The following ADGRB3 variants were observed in gnomAD, a reference collection of about 807,000 sequenced individuals.
ADGRB3 encodes brain-specific angiogenesis inhibitor 3.
Under a neutral mutation model 193.4 loss-of-function variants are expected in ADGRB3, and 37 were observed. That is an observed-to-expected ratio of 0.19 (90% CI 0.15 to 0.25). The LOEUF is 0.25. ADGRB3 is among the 10% of genes least tolerant of loss of function. ADGRB3 has a pLI of 1.00. For missense variants in ADGRB3, 1,637 were observed against 1,852.9 expected, an observed-to-expected ratio of 0.88 and a Z score of 2.14; for synonymous variants, 690 against 644.2, an observed-to-expected ratio of 1.07 and a Z score of -1.08.
At chr6:68,862,697 T>C (rs893334067) in intron 3 of ADGRB3, among the ~76,000 whole-genome samples, 1 of 152,202 alleles carries the variant, frequency 6.6e-6, no homozygotes, top group Non-Finnish European at 1.5e-5. Context: ...AGGTCTGATA[T>C]ATATGAGAGA....
At chr6:69,288,767 G>A (rs1767605101) in intron 20 of ADGRB3, among the ~76,000 whole-genome samples, 2 of 152,042 alleles carry the variant, frequency 1.3e-5, no homozygotes. Context: ...TTTTCCCTCA[G>A]GTCTTCTAGA....
chr6:68,761,738 G>A (rs577907425), intron 3 of ADGRB3, among the ~76,000 whole-genome samples: 44 of 145,364 alleles, frequency 3.0e-4, no homozygotes, highest in African/African-American at 1.2e-3. Context: ...CAAGTCTAAG[G>A]TTTTTAAACA....
intron 11 of ADGRB3, among the ~76,000 whole-genome samples, chr6:69,003,719 G>T (rs993269927): frequency 1.3e-5 from 2 of 151,996 alleles, no homozygotes; most frequent in African/African-American, 4.8e-5. Flanking sequence ...AAATTTAATG[G>T]CAAATAACTT....
chr6:68,681,588 C>T (rs1409727330), intron 3 of ADGRB3, among the ~76,000 whole-genome samples: 2 of 152,076 alleles, frequency 1.3e-5, no homozygotes, highest in Non-Finnish European at 2.9e-5. Flanking sequence ...CTCCATTGTG[C>T]CACTTTTAAC....
Position 69,374,276 on chromosome 6 carries a change from T to A in ADGRB3, c.4275+1835T>A, listed in dbSNP as rs144434658. ...CGTGGATTGAGTTTAGAAAACTTAT[T>A]GCCAAGTATAAATGCGAATGAATTG... is the stretch of plus-strand genomic sequence containing the variant. On this transcript the variant is annotated intron_variant, in intron 30 of 31. Transcript: ENST00000370598. Among the ~76,000 whole-genome samples the A allele has an allele frequency of 6.4e-4, 98 of 152,238 alleles. 1 individual carries two copies. The East Asian group carries it at 6.8e-3, about 11-fold the overall frequency.
intron 13 of ADGRB3, among the ~76,000 whole-genome samples, chr6:69,031,456 A>AT (rs66475052): frequency 6.7e-6 from 1 of 149,788 alleles, no homozygotes; most frequent in Non-Finnish European, 1.5e-5. Context: ...AAAAAAAAAA[A>AT]TTCTAGAGTT....
At chr6:69,201,926 T>C (rs1459827418) in intron 17 of ADGRB3, among the ~76,000 whole-genome samples, 2 of 152,160 alleles carry the variant, frequency 1.3e-5, no homozygotes, top group Admixed American at 6.6e-5. Context: ...TCCAGAAATA[T>C]GGCATCACCA....
intron 16 of ADGRB3, among the ~76,000 whole-genome samples, chr6:69,075,124 T>A (rs1005681444): frequency 6.6e-6 from 1 of 152,214 alleles, no homozygotes; most frequent in African/African-American, 2.4e-5. Flanking sequence ...GGAGAGGTAG[T>A]GGTACTGCTT....
At chr6:69,329,272 G>T (rs1438652698) in intron 22 of ADGRB3, among the ~76,000 whole-genome samples, 1 of 152,008 alleles carries the variant, frequency 6.6e-6, no homozygotes, top group Non-Finnish European at 1.5e-5. Context: ...TTTTCTCCAG[G>T]TATTTTATTT....
intron 3 of ADGRB3, among the ~76,000 whole-genome samples, chr6:68,917,437 T>A (rs920941800): frequency 6.6e-6 from 1 of 152,242 alleles, no homozygotes; most frequent in African/African-American, 2.4e-5. Flanking sequence ...TTATTTGTAA[T>A]CTTTCTTCTA....
chr6:69,281,466 T>A (rs982952794), intron 20 of ADGRB3, among the ~76,000 whole-genome samples: 1 of 152,202 alleles, frequency 6.6e-6, no homozygotes, highest in Non-Finnish European at 1.5e-5. Flanking sequence ...ATGCTGCTCA[T>A]AGAAACCCAA....
intron 3 of ADGRB3, among the ~76,000 whole-genome samples, chr6:68,787,932 T>G (rs1767011219): frequency 6.6e-6 from 1 of 152,226 alleles, no homozygotes; most frequent in African/African-American, 2.4e-5. Context: ...ATTTTCTAGT[T>G]TATTTGCATA....
intron 20 of ADGRB3, among the ~76,000 whole-genome samples, chr6:69,290,868 C>A (rs1023856114): frequency 6.6e-6 from 1 of 151,890 alleles, no homozygotes; most frequent in African/African-American, 2.4e-5. Context: ...TAAGGTCAAC[C>A]TTTACTCAAA....
At chr6:68,692,810 A>T (rs1765097622) in intron 3 of ADGRB3, among the ~76,000 whole-genome samples, 1 of 151,242 alleles carries the variant, frequency 6.6e-6, no homozygotes, top group South Asian at 2.1e-4. Flanking sequence ...TATTGTAAGG[A>T]TCAAATGGAC....
intron 13 of ADGRB3, among the ~76,000 whole-genome samples, chr6:69,036,605 G>T (rs1218464776): frequency 2.0e-5 from 3 of 152,068 alleles, no homozygotes; most frequent in Non-Finnish European, 4.4e-5. Context: ...ATAATAGAGA[G>T]AAATGGGGGC....
chr6:68,848,772 C>A (rs1430887691), intron 3 of ADGRB3, among the ~76,000 whole-genome samples: 1 of 151,914 alleles, frequency 6.6e-6, no homozygotes, highest in Non-Finnish European at 1.5e-5. Context: ...AATTGGTTCA[C>A]CTTATAAGTC....
intron 17 of ADGRB3, among the ~76,000 whole-genome samples, chr6:69,219,461 G>GTGTATA (rs1491200940): frequency 0.03 from 2,967 of 99,030 alleles, 123 homozygotes; most frequent in Middle Eastern, 0.093. Flanking sequence ...ACACACACAC[G>GTGTATA]TATATATATA....
In ADGRB3 at chr6:68,936,650, A is replaced by G. The variant is rs1322900142; in HGVS notation, c.1000A>G (p.Arg334Gly). 1 of 1,613,536 alleles carries G rather than the reference A, an allele frequency of 6.2e-7. No homozygotes were observed. Among genetic ancestry groups the G allele is most frequent in the Non-Finnish European group, 8.5e-7 (1 of 1,179,892 alleles). Residue 334 changes from arginine (R) to glycine (G), a missense_variant, in exon 5 of 32, where the codon AGG becomes GGG. Coordinates refer to ENST00000370598, the MANE Select transcript of ADGRB3 (RefSeq NM_001704.3). ...THCSGPLRESRVCNNTALCPV... is the reference protein window; with the variant it reads ...THCSGPLRESGVCNNTALCPV... The stretch of plus-strand genomic sequence containing the variant: ...CTGCAGCGGCCCATTAAGAGAATCA[A>G]GGGTTTGCAATAACACTGCCCTCTG...
intron 17 of ADGRB3, among the ~76,000 whole-genome samples, chr6:69,168,186 T>C (rs1170558855): frequency 6.6e-6 from 1 of 152,116 alleles, no homozygotes; most frequent in Non-Finnish European, 1.5e-5. Context: ...AGTCGATGCC[T>C]ACCAAGGAAA....
Sources: gnomAD v4.1 joint callset for allele counts (sites outside exome capture counted in the v4.1 genomes callset) on GRCh38, gnomAD v4.1.1 for gene constraint, MANE v1.5 for transcripts, NCBI Gene and HGNC (gene_info 2026-07-23, HGNC 2026-07-21) for gene names.